RIT2: variants seen among roughly 807,000 people sequenced by gnomAD.
RIT2 encodes GTP-binding protein Rit2.
Under a neutral mutation model 23.7 loss-of-function variants are expected in RIT2, and 24 were observed. The observed-to-expected ratio is 1.01, with a 90% confidence interval of 0.73 to 1.43. The LOEUF (loss-of-function observed/expected upper bound fraction) is 1.43, where lower values mean the gene tolerates loss of function less well. Among genes scored for constraint, RIT2 ranks in the 40% most tolerant of loss-of-function variants. RIT2 has a pLI of 0.00. For missense variants in RIT2, 236 were observed against 266.9 expected (o/e 0.88, Z 0.81); for synonymous variants, 107 against 91.1 (o/e 1.17, Z -0.99).
At chr18:42,879,832 G>T (rs1308740438) in intron 4 of RIT2, among the ~76,000 whole-genome samples, 1 of 152,030 alleles carries the variant, frequency 6.6e-6, no homozygotes, top group Non-Finnish European at 1.5e-5. Context: ...CTTGTCAATT[G>T]CAGGCTTCGA....
At chr18:42,916,005 T>C (rs1908900256) in intron 4 of RIT2, among the ~76,000 whole-genome samples, 1 of 152,032 alleles carries the variant, frequency 6.6e-6, no homozygotes, top group Non-Finnish European at 1.5e-5. Flanking sequence ...GTAGGTTCTA[T>C]GCTCTTATAG....
chr18:43,066,995 G>T (rs1247735066), intron 1 of RIT2, among the ~76,000 whole-genome samples: 1 of 151,456 alleles, frequency 6.6e-6, no homozygotes, highest in Non-Finnish European at 1.5e-5. Flanking sequence ...CTAGGATCCT[G>T]GGAAGGAAGA....
intron 2 of RIT2, among the ~76,000 whole-genome samples, chr18:42,986,652 C>A (rs1032850407): frequency 6.6e-6 from 1 of 151,960 alleles, no homozygotes; most frequent in Non-Finnish European, 1.5e-5. Flanking sequence ...TAGGTGTGTG[C>A]AACCGTGCCC....
intron 1 of RIT2, among the ~76,000 whole-genome samples, chr18:43,038,218 A>AAAAT (rs59629398): frequency 6.7e-6 from 1 of 149,024 alleles, no homozygotes; most frequent in Non-Finnish European, 1.5e-5. Flanking sequence ...AAAAAAAAAA[A>AAAAT]GCAGTTTCAG....
chr18:42,759,759 G>GGA (rs1159471205), intron 4 of RIT2, among the ~76,000 whole-genome samples: 34 of 84,796 alleles, frequency 4.0e-4, no homozygotes, highest in Non-Finnish European at 1.4e-4. Context: ...ACACACATAC[G>GGA]GATATATATA....
chr18:42,746,170 T>A (rs1912912556), intron 4 of RIT2, among the ~76,000 whole-genome samples: 1 of 152,050 alleles, frequency 6.6e-6, no homozygotes, highest in Non-Finnish European at 1.5e-5. Context: ...GAGGCAGGAA[T>A]TATTTTATCT....
chr18:43,027,402 GT>G (rs1911758565), intron 2 of RIT2, among the ~76,000 whole-genome samples: 1 of 152,016 alleles, frequency 6.6e-6, no homozygotes, highest in Non-Finnish European at 1.5e-5. Flanking sequence ...AGAAAATATT[GT>G]TTTGAGCAAG....
At chr18:42,748,710 G>T (rs1378738284) in intron 4 of RIT2, among the ~76,000 whole-genome samples, 1 of 151,890 alleles carries the variant, frequency 6.6e-6, no homozygotes, top group Non-Finnish European at 1.5e-5. Context: ...TGGGAGCTAA[G>T]ATATGATAAT....
intron 1 of RIT2, among the ~76,000 whole-genome samples, chr18:43,080,579 T>C (rs1051789567): frequency 6.6e-6 from 1 of 152,214 alleles, no homozygotes; most frequent in Non-Finnish European, 1.5e-5. Flanking sequence ...TGTGCTACTT[T>C]GTTTTTTGTT....
chr18:43,039,708 T>G (rs564597773), intron 1 of RIT2, among the ~76,000 whole-genome samples: 1 of 152,300 alleles, frequency 6.6e-6, no homozygotes, highest in Admixed American at 6.5e-5. Context: ...ACATGTGGTT[T>G]AATTGTACTT....
chr18:43,109,618 A>G (rs1404977208), intron 1 of RIT2, among the ~76,000 whole-genome samples: 1 of 152,136 alleles, frequency 6.6e-6, no homozygotes, highest in Non-Finnish European at 1.5e-5. Flanking sequence ...CACATCTCTT[A>G]TAGCCACCCC....
chr18:42,756,902 A>AAC (rs375737767), intron 4 of RIT2, among the ~76,000 whole-genome samples: 2 of 151,440 alleles, frequency 1.3e-5, no homozygotes, highest in Admixed American at 6.6e-5. Flanking sequence ...TAGAAAAAAA[A>AAC]CTTATGTATT....
chr18:42,916,255 C>T (rs1598713314), intron 4 of RIT2, among the ~76,000 whole-genome samples: 2 of 152,188 alleles, frequency 1.3e-5, no homozygotes, highest in South Asian at 2.1e-4. Context: ...TTGAGAACCA[C>T]AGTTCTCATC....
intron 3 of RIT2, among the ~76,000 whole-genome samples, chr18:42,937,363 A>C (rs1399509798): frequency 6.6e-6 from 1 of 152,166 alleles, no homozygotes; most frequent in East Asian, 1.9e-4. Flanking sequence ...ATGTCCTTGA[A>C]AACATGCCTG....
intron 3 of RIT2, among the ~76,000 whole-genome samples, chr18:42,969,864 A>G (rs1910322116): frequency 6.6e-6 from 1 of 152,060 alleles, no homozygotes; most frequent in Non-Finnish European, 1.5e-5. Context: ...AAGATAACCC[A>G]GTATCAAAAT....
intron 1 of RIT2, among the ~76,000 whole-genome samples, chr18:43,069,686 A>C (rs1456530050): frequency 6.6e-6 from 1 of 152,068 alleles, no homozygotes; most frequent in Non-Finnish European, 1.5e-5. Context: ...ACTTAATATA[A>C]AATCTGAAAT....
intron 2 of RIT2, among the ~76,000 whole-genome samples, chr18:42,995,444 C>A (rs1017864535): frequency 2.6e-5 from 4 of 152,190 alleles, no homozygotes; most frequent in Admixed American, 6.5e-5. Flanking sequence ...AAGACCACTG[C>A]AGTCATTTCT....
intron 1 of RIT2, among the ~76,000 whole-genome samples, chr18:43,103,897 G>A (rs1306799230): frequency 6.6e-6 from 1 of 152,004 alleles, no homozygotes; most frequent in African/African-American, 2.4e-5. Flanking sequence ...TGGGATATGG[G>A]GGTTTAAAAG....
intron 1 of RIT2, among the ~76,000 whole-genome samples, chr18:43,049,319 T>C (rs1382392061): frequency 6.6e-6 from 1 of 152,198 alleles, no homozygotes; most frequent in Non-Finnish European, 1.5e-5. Context: ...TAACTTCAAA[T>C]GCTGCTTCAT....
Sources: allele counts gnomAD v4.1 joint callset (sites outside exome capture counted in the v4.1 genomes callset), GRCh38; gene constraint gnomAD v4.1.1; transcripts MANE v1.5; gene names NCBI Gene and HGNC (gene_info 2026-07-23, HGNC 2026-07-21).